The following WNK2 variants were observed in gnomAD, a reference collection of about 807,000 sequenced individuals.
WNK2 encodes the protein serine/threonine-protein kinase WNK2.
In WNK2, 67 loss-of-function variants were observed where a neutral mutation model predicts 192.1. The ratio of observed to expected loss-of-function variants is 0.35; its 90% CI spans 0.29 to 0.43. WNK2 has a LOEUF of 0.43. WNK2 is among the 20% of genes least tolerant of loss of function. WNK2 has a pLI of 1.00. For missense variants in WNK2, 2,698 were observed against 3,089.7 expected, an observed-to-expected ratio of 0.87 and a Z score of 3.01; for synonymous variants, 1,439 against 1,393.9, an observed-to-expected ratio of 1.03 and a Z score of -0.72.
intron 29 of WNK2, 81 bp downstream of exon 29, chr9:93,317,712 TCCTGGGGGCCCTGGGCAGG>T: frequency 6.5e-7 from 1 of 1,528,914 alleles, no homozygotes; most frequent in Non-Finnish European, 8.9e-7. Flanking sequence ...AGCTCCAGTG[TCCTGGGGGCCCTGGGCAGG>T]CCAGGTGGGC....
chr9:93,300,263 A>G, intron 26 of WNK2, 114 bp downstream of exon 26: 1 of 730,242 alleles, frequency 1.4e-6, no homozygotes, highest in East Asian at 3.0e-5. Flanking sequence ...CCCCCACCCC[A>G]TCGAAGTCAC....
At position 93,229,555 on chromosome 9, in the gene WNK2, T is replaced by A; in HGVS notation, c.682-141T>A. ...AGCAGTTGTGGTGCCAGTGTCTGCA[T>A]GCCCTTCTATCATAGCCGCTTAGCT... On this transcript the variant is annotated intron_variant, in intron 2 of 29. Coordinates refer to ENST00000427277, the MANE Select transcript of WNK2 (RefSeq NM_006648.4). This position sits in a 1 kb window ranked among gnomAD's most constrained non-coding sequence, Gnocchi z 4.9. The A allele has an allele frequency of 7.7e-6, 7 of 905,044 alleles. No homozygotes were observed. The highest frequency in any genetic ancestry group is 1.2e-5 in the Non-Finnish European group (7 of 606,974). The allele number at this position is 905,044 out of a possible 1,614,324, so 56.1% of individuals were successfully genotyped here. A position where few individuals can be genotyped will look rare whatever the true frequency, so the allele number is the denominator to read the frequency against.
intron 14 of WNK2, 69 bp from the exon 15 acceptor site, chr9:93,263,497 G>C: frequency 6.4e-7 from 1 of 1,562,864 alleles, no homozygotes; most frequent in South Asian, 1.2e-5. Context: ...CAGATAAGCT[G>C]ACTTTCCCCG....
At chr9:93,222,304 G>A (rs1201524642) in intron 2 of WNK2, among the ~76,000 whole-genome samples, 2 of 152,136 alleles carry the variant, frequency 1.3e-5, no homozygotes, top group African/African-American at 4.8e-5. Flanking sequence ...AAGTAACTGA[G>A]ACACCAGGCG....
chr9:93,261,076 G>T, intron 12 of WNK2, among the ~76,000 whole-genome samples: 1 of 152,178 alleles, frequency 6.6e-6, no homozygotes, highest in East Asian at 1.9e-4. Context: ...AGCAGCTGGG[G>T]TGTCTTGTCT....
intron 2 of WNK2, 103 bp downstream of exon 2, chr9:93,185,713 G>A (rs1381409452): frequency 1.3e-5 from 17 of 1,355,556 alleles, no homozygotes; most frequent in Non-Finnish European, 1.7e-5. Context: ...AAGCCCTGGG[G>A]GCGGCGGGGC....
At chr9:93,231,147 G>C (rs7032194) in intron 4 of WNK2, 39 bp downstream of exon 4, 222,895 of 1,589,456 alleles carry the variant, frequency 0.14, 17,394 homozygotes, top group East Asian at 0.29. Context: ...TGGAGCCCAT[G>C]AGAAGCTGGG....
At chr9:93,193,338 G>A (rs1240617186) in intron 2 of WNK2, among the ~76,000 whole-genome samples, 1 of 152,158 alleles carries the variant, frequency 6.6e-6, no homozygotes, top group East Asian at 1.9e-4. Flanking sequence ...TCATGGCTGG[G>A]GGCTCTATTG....
At position 93,289,281 on chromosome 9, in the gene WNK2, G is replaced by T; in HGVS notation, c.4527G>T (p.Leu1509=). The change falls in exon 20 of 30, where the codon CTG becomes CTT. Residue 1509 remains leucine (L), a synonymous_variant. Transcript: ENST00000427277. ...LLPAAVGAVS[L]ATSQLPSPPL... is the part of the protein sequence containing the mutation. ...CTGCCGCAGTGGGGGCCGTCAGCCT[G>T]GCCACCTCCCAGCTCCCAAGCCCAC... 1 of 1,600,148 alleles carries T rather than the reference G, an allele frequency of 6.2e-7. No individual in the cohort carries two copies.
intron 2 of WNK2, among the ~76,000 whole-genome samples, chr9:93,213,972 T>C (rs1337553236): frequency 6.6e-6 from 1 of 152,212 alleles, no homozygotes; most frequent in Non-Finnish European, 1.5e-5. Context: ...TGTACTGTTA[T>C]ATAATTTAGC....
At chr9:93,288,043 C>T (rs918174540) in intron 19 of WNK2, among the ~76,000 whole-genome samples, 4 of 151,754 alleles carry the variant, frequency 2.6e-5, no homozygotes, top group Non-Finnish European at 5.9e-5. Flanking sequence ...CAGACCATCT[C>T]CAAAAAAAAA....
chr9:93,250,853 C>T (rs1052804924), intron 8 of WNK2, among the ~76,000 whole-genome samples: 7 of 138,106 alleles, frequency 5.1e-5, no homozygotes, highest in African/African-American at 1.1e-4. Context: ...GGCGCAATCT[C>T]GGCTCACTGC....
chr9:93,315,006 C>T (rs1429139572), intron 28 of WNK2, among the ~76,000 whole-genome samples: 1 of 152,118 alleles, frequency 6.6e-6, no homozygotes, highest in Admixed American at 6.5e-5. Context: ...CTTAAGCATC[C>T]CAAAAGCTGT....
At chr9:93,199,777 T>C (rs1304656840) in intron 2 of WNK2, among the ~76,000 whole-genome samples, 3 of 151,786 alleles carry the variant, frequency 2.0e-5, no homozygotes, top group Non-Finnish European at 4.4e-5. Context: ...CAAGCACCTG[T>C]AGTCCCAGCT....
intron 2 of WNK2, among the ~76,000 whole-genome samples, chr9:93,228,085 T>C (rs1838123391): frequency 1.3e-5 from 2 of 152,208 alleles, no homozygotes; most frequent in Admixed American, 6.5e-5. Flanking sequence ...CTCTGAATTA[T>C]TTGTTTTCTG....
At chr9:93,262,782 C>A in intron 14 of WNK2, 63 bp downstream of exon 14, 1 of 1,565,438 alleles carries the variant, frequency 6.4e-7, no homozygotes, top group Non-Finnish European at 8.7e-7. Flanking sequence ...TACAGCCACT[C>A]AGCCTGGCTC....
chr9:93,218,993 C>T (rs1473194439), intron 2 of WNK2, among the ~76,000 whole-genome samples: 1 of 152,188 alleles, frequency 6.6e-6, no homozygotes. Flanking sequence ...GGAGGGTGGC[C>T]ACCCAGTGAC....
chr9:93,243,435 G>T (rs769521846), intron 7 of WNK2, among the ~76,000 whole-genome samples: 1 of 152,216 alleles, frequency 6.6e-6, no homozygotes, highest in Non-Finnish European at 1.5e-5. Flanking sequence ...TCAGTTCACA[G>T]CAGAGGCCCC....
At chr9:93,235,520 G>A (rs992309870) in intron 5 of WNK2, among the ~76,000 whole-genome samples, 1 of 152,170 alleles carries the variant, frequency 6.6e-6, no homozygotes, top group Admixed American at 6.6e-5. Context: ...TTCTTTAATC[G>A]GACGGCTTCA....
Sources: gnomAD v4.1 joint callset for allele counts (sites outside exome capture counted in the v4.1 genomes callset) on GRCh38, gnomAD v4.1.1 for gene constraint, Gnocchi (gnomAD v3.1) non-coding constraint, MANE v1.5 for transcripts, NCBI Gene and HGNC (gene_info 2026-07-23, HGNC 2026-07-21) for gene names.